GPC6: variants seen among roughly 807,000 people sequenced by gnomAD.
GPC6 encodes the protein glypican-6.
GPC6 carries 14 observed loss-of-function variants against 55.2 expected under a neutral mutation model. The ratio of observed to expected loss-of-function variants is 0.25; its 90% CI spans 0.17 to 0.40. GPC6 has a LOEUF of 0.40. Among genes scored for constraint, GPC6 ranks in the 10% least tolerant of loss-of-function variants. The probability of loss-of-function intolerance (pLI) is 1.00; values close to 1 mark genes in which losing one functional copy is unlikely to be tolerated. For missense variants in GPC6, 641 were observed against 708.5 expected (o/e 0.90, Z 1.08); for synonymous variants, 278 against 259.6 (o/e 1.07, Z -0.68).
At chr13:94,389,401 G>A (rs1432008977) in intron 7 of GPC6, among the ~76,000 whole-genome samples, 2 of 152,150 alleles carry the variant, frequency 1.3e-5, no homozygotes, top group African/African-American at 2.4e-5. Context: ...GGAAAGCATA[G>A]GCTTGGAGGG....
At chr13:93,410,473 C>T (rs2139243927) in intron 1 of GPC6, among the ~76,000 whole-genome samples, 1 of 152,206 alleles carries the variant, frequency 6.6e-6, no homozygotes, top group East Asian at 1.9e-4. Context: ...TAGGACTATA[C>T]CCTGCCTGAA....
chr13:93,770,561 G>A (rs1174945706), intron 2 of GPC6, among the ~76,000 whole-genome samples: 1 of 152,080 alleles, frequency 6.6e-6, no homozygotes, highest in Non-Finnish European at 1.5e-5. Context: ...TGACTCAAAG[G>A]GGCTGTGCCT....
chr13:94,047,909 C>T (rs1594693719), intron 4 of GPC6, among the ~76,000 whole-genome samples: 1 of 152,038 alleles, frequency 6.6e-6, no homozygotes, highest in Non-Finnish European at 1.5e-5. Context: ...GATAGATAAT[C>T]CTCAAATCTA....
intron 6 of GPC6, among the ~76,000 whole-genome samples, chr13:94,346,433 G>A (rs949337885): frequency 6.6e-6 from 1 of 152,100 alleles, no homozygotes; most frequent in Admixed American, 6.5e-5. Context: ...CTTCTAACAA[G>A]AATCACTGGC....
intron 2 of GPC6, among the ~76,000 whole-genome samples, chr13:93,699,958 C>A (rs1488003573): frequency 6.6e-6 from 1 of 151,946 alleles, no homozygotes; most frequent in African/African-American, 2.4e-5. Flanking sequence ...CAAATGTGCT[C>A]TTGAGGGGGA....
chr13:93,695,506 T>A (rs1039192845), intron 2 of GPC6, among the ~76,000 whole-genome samples: 1 of 152,046 alleles, frequency 6.6e-6, no homozygotes, highest in Non-Finnish European at 1.5e-5. Context: ...AATCCTTTGA[T>A]GTATAAGGGA....
Position 93,937,362 on chromosome 13 carries a change from GT to G in GPC6, c.712-90366del, listed in dbSNP as rs985903990. ...AGCCTTTAAACACGCACAGTCAGCT[GT>G]ATAGTGGCAGTGGACTTTTGTCAGT... On this transcript the variant is annotated intron_variant, in intron 3 of 8. Transcript: ENST00000377047. Among the ~76,000 whole-genome samples the G allele has an allele frequency of 1.5e-4, 23 of 152,184 alleles. 1 individual carries two copies. Among genetic ancestry groups the G allele is most frequent in the African/African-American group, 5.3e-4 (22 of 41,442 alleles).
chr13:94,346,719 C>CAA (rs35478457), intron 6 of GPC6, among the ~76,000 whole-genome samples: 1,797 of 114,038 alleles, frequency 0.016, 29 homozygotes, highest in African/African-American at 0.042. Context: ...AGACTCCTCT[C>CAA]AAAAAAAAAA....
chr13:93,271,751 T>C lies in GPC6; in HGVS notation c.160+44135T>C, dbSNP rs148580020. ...GAATATCATAGAATTTGGAAAGAAA[T>C]ATGAATAAAATATCCCAACCTTTTG... On this transcript the variant is annotated intron_variant, in intron 1 of 8. Coordinates refer to ENST00000377047, the MANE Select transcript of GPC6 (RefSeq NM_005708.5). Among the ~76,000 whole-genome samples, 490 of 152,316 alleles carry C rather than the reference T, an allele frequency of 3.2e-3. 2 individuals are homozygous for C. The highest frequency in any genetic ancestry group is 0.013 in the South Asian group (64 of 4,828).
chr13:94,208,641 G>A (rs1024409060), intron 4 of GPC6, among the ~76,000 whole-genome samples: 10 of 150,896 alleles, frequency 6.6e-5, no homozygotes, highest in African/African-American at 2.4e-4. Context: ...TTGCTTTAGC[G>A]CTAGACACAG....
At chr13:94,037,926 C>G (rs552010802) in intron 4 of GPC6, among the ~76,000 whole-genome samples, 1 of 152,084 alleles carries the variant, frequency 6.6e-6, no homozygotes, top group South Asian at 2.1e-4. Context: ...GAATGCTTGA[C>G]ATATGTCTAG....
At chr13:93,244,441 T>C (rs1253104200) in intron 1 of GPC6, among the ~76,000 whole-genome samples, 2 of 152,240 alleles carry the variant, frequency 1.3e-5, no homozygotes, top group Admixed American at 6.5e-5. Context: ...TAAGATTAGG[T>C]TGCAAATCTC....
intron 1 of GPC6, among the ~76,000 whole-genome samples, chr13:93,246,572 C>T (rs1291566335): frequency 6.6e-6 from 1 of 151,718 alleles, no homozygotes; most frequent in Non-Finnish European, 1.5e-5. Flanking sequence ...GTGAAATGAA[C>T]TTAACAAAAG....
chr13:94,216,106 G>A (rs986365552), intron 4 of GPC6, among the ~76,000 whole-genome samples: 3 of 152,290 alleles, frequency 2.0e-5, no homozygotes, highest in East Asian at 1.9e-4. Context: ...TAAAGTCACT[G>A]TTTTATCTTT....
At chr13:93,733,676 A>G (rs1009136288) in intron 2 of GPC6, among the ~76,000 whole-genome samples, 1 of 152,124 alleles carries the variant, frequency 6.6e-6, no homozygotes, top group Non-Finnish European at 1.5e-5. Context: ...TCATGGTACC[A>G]TTAAGTTCAG....
At chr13:94,366,852 C>A (rs1348187084) in intron 6 of GPC6, among the ~76,000 whole-genome samples, 1 of 152,184 alleles carries the variant, frequency 6.6e-6, no homozygotes, top group Non-Finnish European at 1.5e-5. Flanking sequence ...TTACCAGGGG[C>A]TAGGCAGAGA....
At chr13:93,584,567 A>C (rs1877099854) in intron 2 of GPC6, among the ~76,000 whole-genome samples, 1 of 152,184 alleles carries the variant, frequency 6.6e-6, no homozygotes, top group African/African-American at 2.4e-5. Flanking sequence ...AGCCCACATA[A>C]AGAAAAGCTC....
chr13:93,646,316 GT>G (rs922757044), intron 2 of GPC6, among the ~76,000 whole-genome samples: 28 of 152,050 alleles, frequency 1.8e-4, no homozygotes, highest in South Asian at 6.2e-4. Context: ...TTTAGATTCT[GT>G]TTTTTTCATT....
intron 7 of GPC6, among the ~76,000 whole-genome samples, chr13:94,393,562 C>T (rs763664919): frequency 4.6e-5 from 7 of 152,154 alleles, no homozygotes; most frequent in Non-Finnish European, 8.8e-5. Flanking sequence ...AAATTGCTTT[C>T]GCTTTACCCT....
Sources: allele counts gnomAD v4.1 joint callset (sites outside exome capture counted in the v4.1 genomes callset), GRCh38; gene constraint gnomAD v4.1.1; transcripts MANE v1.5; gene names NCBI Gene and HGNC (gene_info 2026-07-23, HGNC 2026-07-21).